Variants in P2RY14 observed in about 807,000 individuals in gnomAD.
P2RY14 encodes the protein purinergic receptor P2Y14.
Under a neutral mutation model 0.9 loss-of-function variants are expected in P2RY14, and 2 were observed. The observed-to-expected ratio is 2.16, with a 90% CI of 0.88 to 6.79. P2RY14 has a LOEUF of 6.79. P2RY14 is among the 30% of genes most tolerant of loss of function. P2RY14 has a pLI of 0.05. For synonymous variants in P2RY14, 158 were observed against 147.2 expected, an observed-to-expected ratio of 1.07 and a Z score of -0.53; for missense variants, 378 against 400.1, an observed-to-expected ratio of 0.94 and a Z score of 0.47.
intron 1 of P2RY14, among the ~76,000 whole-genome samples, chr3:151,272,234 A>AAG (rs1474887268): frequency 5.9e-5 from 9 of 152,218 alleles, no homozygotes; most frequent in Non-Finnish European, 2.9e-5. Flanking sequence ...AAAGAGGTAA[A>AAG]TGTTTTTAGG....
chr3:151,214,370 A>G, intron 2 of P2RY14, 30 bp from the exon 3 acceptor site: 2 of 1,460,224 alleles, frequency 1.4e-6, no homozygotes, highest in Non-Finnish European at 1.9e-6. Flanking sequence ...GGTCACTCAT[A>G]GGGCACTTAT....
At chr3:151,244,401 A>G (rs1401872543) in intron 1 of P2RY14, among the ~76,000 whole-genome samples, 1 of 135,234 alleles carries the variant, frequency 7.4e-6, no homozygotes, top group Non-Finnish European at 1.6e-5. Context: ...AAAGAACAGA[A>G]ATTATAACAA....
chr3:151,241,032 A>G (rs1733966354), intron 1 of P2RY14, among the ~76,000 whole-genome samples: 1 of 152,220 alleles, frequency 6.6e-6, no homozygotes, highest in Admixed American at 6.5e-5. Flanking sequence ...AGATGAGAGT[A>G]TCTGTGTAAA....
chr3:151,262,275 C>CTAG (rs1412489217), intron 1 of P2RY14, among the ~76,000 whole-genome samples: 1 of 152,202 alleles, frequency 6.6e-6, no homozygotes, highest in Admixed American at 6.5e-5. Flanking sequence ...TTAAGTCACA[C>CTAG]TAGTGATAGT....
At chr3:151,254,307 G>A (rs1737406735) in intron 1 of P2RY14, among the ~76,000 whole-genome samples, 1 of 152,094 alleles carries the variant, frequency 6.6e-6, no homozygotes, top group African/African-American at 2.4e-5. Flanking sequence ...GGATAAATCA[G>A]CATCTTTCAT....
rs150238875 is a variant in P2RY14, at chr3:151,213,652, C to T, written c.665G>A (p.Arg222Gln). 7.4e-6 allele frequency: 12 copies of T among 1,613,922 alleles called. No homozygotes were observed. Among genetic ancestry groups the T allele is most frequent in the East Asian group, 2.2e-5 (1 of 44,896 alleles). Residue 222 changes from arginine (R) to glutamine (Q), a missense_variant, in exon 3 of 3, where the codon CGG (arginine) becomes CAG (glutamine). Coordinates refer to ENST00000309170, the MANE Select transcript of P2RY14 (RefSeq NM_014879.4). The stretch of plus-strand genomic sequence containing the variant: ...TTTCTTTTTGACCGAAGTGGAATTC[C>T]GACTTGACTTAAGGTGGGACTTAAA... ...KIFKSHLKSS[R>Q]NSTSVKKKSS...
intron 1 of P2RY14, among the ~76,000 whole-genome samples, chr3:151,267,961 A>T (rs1577182490): frequency 6.6e-6 from 1 of 152,182 alleles, no homozygotes; most frequent in East Asian, 1.9e-4. Flanking sequence ...ATCCTAATTT[A>T]TGAATTTCTC....
chr3:151,262,558 G>A (rs372702076), intron 1 of P2RY14, among the ~76,000 whole-genome samples: 47 of 152,270 alleles, frequency 3.1e-4, no homozygotes, highest in Non-Finnish European at 3.7e-4. Flanking sequence ...ATTTGGTGAG[G>A]CCTATGTTAA....
chr3:151,233,521 G>A (rs1732119743), intron 1 of P2RY14, among the ~76,000 whole-genome samples: 1 of 152,212 alleles, frequency 6.6e-6, no homozygotes, highest in Non-Finnish European at 1.5e-5. Flanking sequence ...GTCACCTGAG[G>A]TGGGGAGTTT....
At chr3:151,241,510 G>A (rs1466419664) in intron 1 of P2RY14, among the ~76,000 whole-genome samples, 3 of 152,134 alleles carry the variant, frequency 2.0e-5, no homozygotes, top group Non-Finnish European at 4.4e-5. Context: ...TATAATGGAT[G>A]GGACTGATGG....
At chr3:151,276,689 G>T (rs1262483524) in intron 1 of P2RY14, among the ~76,000 whole-genome samples, 1 of 152,188 alleles carries the variant, frequency 6.6e-6, no homozygotes, top group Non-Finnish European at 1.5e-5. Flanking sequence ...CTTCTAGGGA[G>T]CCGTGTTCTT....
chr3:151,239,170 T>G (rs1401092525), intron 1 of P2RY14, among the ~76,000 whole-genome samples: 1 of 152,256 alleles, frequency 6.6e-6, no homozygotes, highest in African/African-American at 2.4e-5. Context: ...TCTGCATGAA[T>G]GTATTTTATC....
At chr3:151,221,123 C>T (rs368662009) in intron 1 of P2RY14, among the ~76,000 whole-genome samples, 12 of 152,284 alleles carry the variant, frequency 7.9e-5, no homozygotes, top group African/African-American at 2.6e-4. Flanking sequence ...CATTTTGCCC[C>T]TACCCTAGAG....
At position 151,232,298 on chromosome 3, in the gene P2RY14, C is replaced by G. The variant is rs111586115; in HGVS notation, c.-132-12656G>C. On this transcript the variant is annotated intron_variant, in intron 1 of 2. Coordinates refer to ENST00000309170, the MANE Select transcript of P2RY14 (RefSeq NM_014879.4). Reference sequence around the variant, plus strand: ...TTTCCACAATGGTTGAACTCATTTACCCTCCCACCAATGTGTGGAAGTGTT... The same window carrying G: ...TTTCCACAATGGTTGAACTCATTTAGCCTCCCACCAATGTGTGGAAGTGTT... 6.8e-3 allele frequency among the ~76,000 whole-genome samples: 1,039 copies of G among 152,296 alleles called. 7 individuals are homozygous for G. Among genetic ancestry groups the G allele is most frequent in the South Asian group, 0.016 (76 of 4,828 alleles).
chr3:151,253,595 T>A (rs1737245995), intron 1 of P2RY14, among the ~76,000 whole-genome samples: 1 of 152,200 alleles, frequency 6.6e-6, no homozygotes, highest in Non-Finnish European at 1.5e-5. Flanking sequence ...AGGCCACCCC[T>A]CAGGCTTTGT....
chr3:151,213,800 T>C lies in P2RY14; in HGVS notation c.517A>G (p.Ile173Val). ...SVREVTQIKCIELKSELGRKW... is the reference protein window; with the variant it reads ...SVREVTQIKCVELKSELGRKW... ...CGTCCCAGTTCACTTTTCAGTTCTA[T>C]ACATTTTATTTGTGTAACCTCCCTA... Residue 173 changes from isoleucine to valine, a missense_variant, in exon 3 of 3, where the codon ATA (isoleucine) becomes GTA (valine). Physicochemically the swap from Ile to Val is conservative, Grantham distance 29. Transcript: ENST00000309170. 6.2e-7 allele frequency: 1 copy of C among 1,614,242 alleles called. No individual in the cohort carries two copies. The highest frequency in any genetic ancestry group is 8.5e-7 in the Non-Finnish European group (1 of 1,180,052).
chr3:151,264,763 G>T (rs1739518398), intron 1 of P2RY14, among the ~76,000 whole-genome samples: 1 of 152,070 alleles, frequency 6.6e-6, no homozygotes. Flanking sequence ...GGCCCACCCA[G>T]TGCGTGTGTG....
chr3:151,215,275 G>T (rs1027679659), intron 2 of P2RY14, among the ~76,000 whole-genome samples: 12 of 152,108 alleles, frequency 7.9e-5, no homozygotes, highest in African/African-American at 2.9e-4. Flanking sequence ...CCATGTGTGG[G>T]TATTGAGCAC....
chr3:151,274,882 T>G (rs1484199969), intron 1 of P2RY14, among the ~76,000 whole-genome samples: 1 of 152,168 alleles, frequency 6.6e-6, no homozygotes. Context: ...GCTGCCTCAT[T>G]GTAAGGAATC....
Sources: allele counts gnomAD v4.1 joint callset (sites outside exome capture counted in the v4.1 genomes callset), GRCh38; gene constraint gnomAD v4.1.1; transcripts MANE v1.5; gene names NCBI Gene and HGNC (gene_info 2026-07-23, HGNC 2026-07-21).